Variants in ANKRD33B observed in about 807,000 individuals in gnomAD.
ANKRD33B encodes ankyrin repeat domain-containing protein 33B.
ANKRD33B carries 6 observed loss-of-function variants against 21.5 expected under a neutral mutation model. That is an observed-to-expected ratio of 0.28 (90% CI 0.15 to 0.55). The LOEUF is 0.55. Ranked by LOEUF, ANKRD33B falls within the 20% of genes least tolerant of loss-of-function variation. The pLI is 0.94. For missense variants in ANKRD33B, 698 were observed against 747.2 expected (o/e 0.93, Z 0.77); for synonymous variants, 347 against 342.4 (o/e 1.01, Z -0.15).
rs977894232 is a variant in ANKRD33B at position 10,564,809 on chromosome 5, G to T, written c.342G>T (p.Ala114=). The T allele has an allele frequency of 2.0e-6, 3 of 1,514,952 alleles. No individual in the cohort carries two copies. The highest frequency in any genetic ancestry group is 2.5e-5 in the East Asian group (1 of 40,424). The allele number at this position is 1,514,952 out of a possible 1,614,324, so 93.8% of individuals were successfully genotyped here. ...LVRRGVSVEE[A]QETDRNGRTG... ...GGCGCGGGGTGAGCGTCGAGGAGGC[G>T]CAGGAGACTGACCGCAACGGCAGGG... Residue 114 remains alanine (A), a synonymous_variant, in exon 1 of 4, where the codon GCG becomes GCT. Coordinates refer to ENST00000296657, the MANE Select transcript of ANKRD33B (RefSeq NM_001164440.2).
In ANKRD33B at chr5:10,649,927, G is replaced by A. The variant is rs1342803042; in HGVS notation, c.1299G>A (p.Ala433=). ...VPRVRVSKAP[A]PTFQPERPAR... ...GGGTCCGAGTCAGCAAGGCGCCCGC[G>A]CCCACCTTCCAGCCCGAGCGGCCGG... Residue 433 remains alanine (A), a synonymous_variant, in exon 4 of 4, where the codon GCG becomes GCA. Transcript: ENST00000296657. The A allele has an allele frequency of 6.6e-7, 1 of 1,524,750 alleles. No individual in the cohort carries two copies. The highest frequency in any genetic ancestry group is 2.5e-5 in the East Asian group (1 of 39,898). 94.5% of individuals were successfully genotyped at this position (1,524,750 alleles called of 1,614,324 possible). A position where few individuals can be genotyped will look rare whatever the true frequency, so the allele number is the denominator to read the frequency against.
rs1734987916 is a variant in ANKRD33B, at chr5:10,564,191, G to C, written c.-277G>C. 1 of 154,124 alleles carries C rather than the reference G, an allele frequency of 6.5e-6. No individual in the cohort carries two copies. The highest frequency in any genetic ancestry group is 2.1e-4 in the South Asian group (1 of 4,864). 9.5% of individuals were successfully genotyped at this position (154,124 alleles called of 1,614,324 possible). On this transcript the variant is annotated 5_prime_UTR_variant, in exon 1 of 4. Coordinates refer to ENST00000296657, the MANE Select transcript of ANKRD33B (RefSeq NM_001164440.2). ...CTCTGAACTCTGGCCAGGAAGGGGC[G>C]CGAGGGGAAGGCCCCGGGGGAAGGC...
intron 1 of ANKRD33B, among the ~76,000 whole-genome samples, chr5:10,610,071 G>A (rs1435802325): frequency 2.6e-5 from 4 of 152,236 alleles, no homozygotes; most frequent in Admixed American, 2.6e-4. Context: ...CTGGCAATCA[G>A]GAATGCGAAG....
Position 10,652,252 on chromosome 5 carries a change from T to C in ANKRD33B, c.*2139T>C, listed in dbSNP as rs1055064989. On this transcript the variant is annotated 3_prime_UTR_variant, in exon 4 of 4. Coordinates refer to ENST00000296657, the MANE Select transcript of ANKRD33B (RefSeq NM_001164440.2). This position sits in a 1 kb window ranked among gnomAD's most constrained non-coding sequence, Gnocchi z 4.1. ...TTCTCAACACCGGCTACCCCTGCTG[T>C]GAAGGTTCTCAAGGCCCTGGTCCGG... 6.6e-6 allele frequency: 1 copy of C among 152,412 alleles called. No homozygotes were observed. The highest frequency in any genetic ancestry group is 2.4e-5 in the African/African-American group (1 of 41,454). The allele number at this position is 152,412 out of a possible 1,614,324, so 9.4% of individuals were successfully genotyped here.
chr5:10,597,921 T>C (rs1735850924), intron 1 of ANKRD33B, among the ~76,000 whole-genome samples: 1 of 152,230 alleles, frequency 6.6e-6, no homozygotes. Context: ...TGTGTTTTTT[T>C]CTTTTAGTTT....
intron 2 of ANKRD33B, among the ~76,000 whole-genome samples, chr5:10,637,525 G>T (rs1222387507): frequency 8.2e-6 from 1 of 121,304 alleles, no homozygotes; most frequent in Non-Finnish European, 1.9e-5. Flanking sequence ...CTTCTGGGTG[G>T]GAACAGGGTG....
intron 1 of ANKRD33B, among the ~76,000 whole-genome samples, chr5:10,575,452 A>G (rs1015395298): frequency 9.2e-5 from 14 of 151,792 alleles, no homozygotes; most frequent in Non-Finnish European, 1.3e-4. Flanking sequence ...TCTTAATTCT[A>G]TGCCATTGTT....
rs1053410984 is a variant in ANKRD33B at position 10,576,525 on chromosome 5, T to G, written c.366+11692T>G. ...GGACAAGTCCCATGATCTTTTGATC[T>G]TTAGTTTCCTTTAGATACCCATCTA... On this transcript the variant is annotated intron_variant, in intron 1 of 3. Transcript: ENST00000296657. The surrounding 1 kb of genome is among the most constrained non-coding windows in gnomAD (Gnocchi z 4.1). 6.6e-6 allele frequency among the ~76,000 whole-genome samples: 1 copy of G among 152,234 alleles called. No individual in the cohort carries two copies. Among genetic ancestry groups the G allele is most frequent in the Non-Finnish European group, 1.5e-5 (1 of 68,032 alleles).
chr5:10,601,002 A>C (rs1164498229), intron 1 of ANKRD33B, among the ~76,000 whole-genome samples: 1 of 152,184 alleles, frequency 6.6e-6, no homozygotes, highest in Non-Finnish European at 1.5e-5. Context: ...CCTGCAGAAC[A>C]GACATCCCAA....
intron 1 of ANKRD33B, among the ~76,000 whole-genome samples, chr5:10,569,827 A>G (rs978865643): frequency 6.6e-6 from 1 of 152,070 alleles, no homozygotes; most frequent in African/African-American, 2.4e-5. Context: ...GGTGGGGAGC[A>G]TTCTGAGTCT....
chr5:10,606,730 CTT>C (rs770615117), intron 1 of ANKRD33B, among the ~76,000 whole-genome samples: 42 of 136,176 alleles, frequency 3.1e-4, no homozygotes, highest in East Asian at 2.4e-4. Flanking sequence ...AAGACTCTGT[CTT>C]TTTTTTTTTT....
At chr5:10,636,790 C>CT (rs924952089) in intron 2 of ANKRD33B, among the ~76,000 whole-genome samples, 74 of 152,218 alleles carry the variant, frequency 4.9e-4, no homozygotes, top group African/African-American at 1.7e-3. Context: ...GAAGGAAGCT[C>CT]TTTCCACCAG....
chr5:10,643,819 C>CAA lies in ANKRD33B; in HGVS notation c.638-5426_638-5425dup, dbSNP rs374365829. Among the ~76,000 whole-genome samples, 496 of 88,508 alleles carry CAA rather than the reference C, an allele frequency of 5.6e-3. 6 individuals are homozygous for CAA. The highest frequency in any genetic ancestry group is 8.9e-3 in the African/African-American group (187 of 21,066). The allele number at this position is 88,508 out of a possible 152,430, so 58.1% of individuals were successfully genotyped here. Reference sequence around the variant, plus strand: ...TAGGCAACAGAGTGAGACTCTGTCTCAAAAAAAAAAAAAAAAAAAAAAGAG... The same window carrying CAA: ...TAGGCAACAGAGTGAGACTCTGTCTCAAAAAAAAAAAAAAAAAAAAAAAAGAG... On this transcript the variant is annotated intron_variant, in intron 3 of 3. Coordinates refer to ENST00000296657, the MANE Select transcript of ANKRD33B (RefSeq NM_001164440.2).
chr5:10,584,382 C>T (rs2126555225), intron 1 of ANKRD33B, among the ~76,000 whole-genome samples: 1 of 151,934 alleles, frequency 6.6e-6, no homozygotes, highest in South Asian at 2.1e-4. Flanking sequence ...CCTGTCTCTA[C>T]AAAAAATGCA....
Position 10,649,949 on chromosome 5 carries a change from C to T in ANKRD33B, c.1321C>T (p.Pro441Ser), listed in dbSNP as rs1201880454. The T allele has an allele frequency of 1.3e-6, 2 of 1,529,784 alleles. No individual in the cohort carries two copies. The highest frequency in any genetic ancestry group is 2.5e-5 in the East Asian group (1 of 40,422). The allele number at this position is 1,529,784 out of a possible 1,614,324, so 94.8% of individuals were successfully genotyped here. Residue 441 changes from proline (P) to serine (S), a missense_variant, in exon 4 of 4, where the codon CCG (proline) becomes TCG (serine). By Grantham distance (74) the Pro-to-Ser change is moderately conservative. Transcript: ENST00000296657. ...APAPTFQPER[P>S]ARKGSTKDSG... ...CGCGCCCACCTTCCAGCCCGAGCGGCCGGCGCGGAAGGGCAGCACCAAGGA... is the reference window on the plus strand; with the variant it reads ...CGCGCCCACCTTCCAGCCCGAGCGGTCGGCGCGGAAGGGCAGCACCAAGGA...
intron 1 of ANKRD33B, among the ~76,000 whole-genome samples, chr5:10,568,491 A>G (rs766436008): frequency 5.9e-5 from 9 of 152,262 alleles, no homozygotes; most frequent in African/African-American, 9.6e-5. Context: ...TACATGCTCA[A>G]TTTAAAATAC....
intron 1 of ANKRD33B, among the ~76,000 whole-genome samples, chr5:10,567,469 G>A (rs1579705587): frequency 6.6e-6 from 1 of 152,220 alleles, no homozygotes; most frequent in Non-Finnish European, 1.5e-5. Flanking sequence ...AGAGCGGCTA[G>A]CTGAGACCTA....
intron 1 of ANKRD33B, among the ~76,000 whole-genome samples, chr5:10,614,353 C>CA (rs1736238347): frequency 6.6e-6 from 1 of 152,194 alleles, no homozygotes; most frequent in Non-Finnish European, 1.5e-5. Context: ...TGACCAAATA[C>CA]CTAGGTACTA....
intron 1 of ANKRD33B, among the ~76,000 whole-genome samples, chr5:10,607,670 A>C (rs1016576908): frequency 9.9e-5 from 15 of 152,196 alleles, no homozygotes; most frequent in Admixed American, 9.8e-4. Flanking sequence ...ACTTGAGTGA[A>C]TCTTCCTCCT....
Sources: gnomAD v4.1 joint callset for allele counts (sites outside exome capture counted in the v4.1 genomes callset) on GRCh38, gnomAD v4.1.1 for gene constraint, Gnocchi (gnomAD v3.1) non-coding constraint, MANE v1.5 for transcripts, NCBI Gene and HGNC (gene_info 2026-07-23, HGNC 2026-07-21) for gene names.